KCNIP4: variants seen among roughly 807,000 people sequenced by gnomAD.
KCNIP4 encodes the protein potassium voltage-gated channel interacting protein 4.
Under a neutral mutation model 34.0 loss-of-function variants are expected in KCNIP4, and 12 were observed. The observed-to-expected ratio is 0.35, with a 90% CI of 0.23 to 0.57. The LOEUF is 0.57. Ranked by LOEUF, KCNIP4 falls within the 20% of genes least tolerant of loss-of-function variation. The pLI is 0.83. For synonymous variants in KCNIP4, 124 were observed against 102.2 expected (o/e 1.21, Z -1.29); for missense variants, 238 against 311.7 (o/e 0.76, Z 1.78).
chr4:21,263,683 T>C (rs1761614841), intron 1 of KCNIP4, among the ~76,000 whole-genome samples: 3 of 152,124 alleles, frequency 2.0e-5, no homozygotes, highest in African/African-American at 4.8e-5. Flanking sequence ...AATTTTATTT[T>C]TTGCGACAGG....
chr4:21,891,015 A>G (rs113137785), intron 1 of KCNIP4, among the ~76,000 whole-genome samples: 101 of 152,230 alleles, frequency 6.6e-4, no homozygotes, highest in African/African-American at 2.3e-3. Context: ...CCACCTGGCA[A>G]CCTTCATTTA....
chr4:21,365,804 A>T (rs899382667), intron 1 of KCNIP4, among the ~76,000 whole-genome samples: 5 of 152,324 alleles, frequency 3.3e-5, no homozygotes, highest in South Asian at 2.1e-4. Context: ...GTTTTTGTCC[A>T]TTAAGGAAAT....
In KCNIP4 at chr4:21,015,628, G is replaced by T. The variant is rs1233400244; in HGVS notation, c.62-132919C>A. Among the ~76,000 whole-genome samples the T allele has an allele frequency of 5.0e-5, 6 of 120,040 alleles. 1 individual carries two copies. The South Asian group carries it at 1.3e-3, about 26-fold the overall frequency. The allele number at this position is 120,040 out of a possible 152,430, so 78.8% of individuals were successfully genotyped here. ...TTAATATAATATAATATAGTATATT[G>T]TATTAATATAATATAATATAGTATA... On this transcript the variant is annotated intron_variant, in intron 1 of 8. Coordinates refer to ENST00000382152, the MANE Select transcript of KCNIP4 (RefSeq NM_025221.6).
chr4:21,323,152 ATATATATATATG>A (rs981088487), intron 1 of KCNIP4, among the ~76,000 whole-genome samples: 175 of 80,032 alleles, frequency 2.2e-3, no homozygotes, highest in African/African-American at 8.6e-3. Flanking sequence ...AAGTATATAT[ATATATATATATG>A]TATATATATA....
chr4:21,583,725 T>C, intron 1 of KCNIP4, among the ~76,000 whole-genome samples: 1 of 151,990 alleles, frequency 6.6e-6, no homozygotes, highest in Non-Finnish European at 1.5e-5. Context: ...TCTTCTGAGT[T>C]CCAAGCAGGG....
chr4:21,541,007 C>T (rs1045649987), intron 1 of KCNIP4, among the ~76,000 whole-genome samples: 1 of 151,802 alleles, frequency 6.6e-6, no homozygotes, highest in Non-Finnish European at 1.5e-5. Flanking sequence ...ATCATCTCTA[C>T]TAAAAATACA....
intron 2 of KCNIP4, among the ~76,000 whole-genome samples, chr4:20,880,594 G>A (rs1724574981): frequency 6.6e-6 from 1 of 152,130 alleles, no homozygotes; most frequent in African/African-American, 2.4e-5. Flanking sequence ...GCAGAAGAGT[G>A]CTAACGAGAC....
chr4:20,835,912 T>C (rs1718983008), intron 3 of KCNIP4, among the ~76,000 whole-genome samples: 1 of 152,198 alleles, frequency 6.6e-6, no homozygotes, highest in African/African-American at 2.4e-5. Context: ...TTCTGTCATT[T>C]TTATTTATAA....
chr4:20,983,608 A>G (rs906641165), intron 1 of KCNIP4, among the ~76,000 whole-genome samples: 14 of 152,226 alleles, frequency 9.2e-5, no homozygotes, highest in Middle Eastern at 3.2e-3. Context: ...TCAAATAGAA[A>G]GATAATGGTA....
At chr4:20,928,104 C>T (rs1730077576) in intron 1 of KCNIP4, among the ~76,000 whole-genome samples, 2 of 152,084 alleles carry the variant, frequency 1.3e-5, no homozygotes, top group Non-Finnish European at 2.9e-5. Context: ...CAAATAAATG[C>T]ATTTTTTCAG....
intron 1 of KCNIP4, among the ~76,000 whole-genome samples, chr4:21,139,831 C>T (rs80102272): frequency 0.017 from 2,555 of 152,280 alleles, 75 homozygotes; most frequent in African/African-American, 0.056. Context: ...CCGAGGGACT[C>T]TAACCTATGA....
intron 1 of KCNIP4, among the ~76,000 whole-genome samples, chr4:21,120,634 C>T (rs1750078918): frequency 6.6e-6 from 1 of 152,096 alleles, no homozygotes; most frequent in Non-Finnish European, 1.5e-5. Flanking sequence ...ATTTATAAAA[C>T]CATCAGCTCT....
intron 3 of KCNIP4, among the ~76,000 whole-genome samples, chr4:20,764,087 C>G (rs1277949923): frequency 3.3e-5 from 5 of 152,116 alleles, no homozygotes; most frequent in African/African-American, 1.2e-4. Context: ...TGAGAATTTG[C>G]TGCAAGCTTC....
chr4:21,749,491 A>T (rs1218583774), intron 1 of KCNIP4, among the ~76,000 whole-genome samples: 1 of 152,052 alleles, frequency 6.6e-6, no homozygotes, highest in East Asian at 1.9e-4. Flanking sequence ...CCCTCTCCCC[A>T]CTTGACACCA....
At chr4:21,283,379 C>T (rs974783582) in intron 1 of KCNIP4, among the ~76,000 whole-genome samples, 1 of 151,992 alleles carries the variant, frequency 6.6e-6, no homozygotes, top group African/African-American at 2.4e-5. Flanking sequence ...GGACAATCAA[C>T]CACCTATCCA....
At chr4:21,784,636 GGTGTTATCAT>G (rs1487190186) in intron 1 of KCNIP4, among the ~76,000 whole-genome samples, 1 of 151,876 alleles carries the variant, frequency 6.6e-6, no homozygotes, top group African/African-American at 2.4e-5. Context: ...AAACCCCAAA[GGTGTTATCAT>G]GAAGCCAAAC....
intron 1 of KCNIP4, among the ~76,000 whole-genome samples, chr4:21,686,331 G>T (rs768029541): frequency 5.7e-4 from 87 of 152,034 alleles, no homozygotes; most frequent in Non-Finnish European, 8.2e-4. Flanking sequence ...ATGTTTTTTT[G>T]TGTGTGTAAA....
intron 1 of KCNIP4, among the ~76,000 whole-genome samples, chr4:20,992,152 T>C (rs148591230): frequency 1.6e-4 from 24 of 152,342 alleles, no homozygotes; most frequent in African/African-American, 5.3e-4. Context: ...CTGGGTAATT[T>C]ATGAAGGAAA....
intron 1 of KCNIP4, among the ~76,000 whole-genome samples, chr4:21,165,770 G>A (rs933064322): frequency 2.0e-5 from 3 of 152,160 alleles, no homozygotes; most frequent in East Asian, 1.9e-4. Flanking sequence ...GGGAGGGAGT[G>A]GTATGGATTG....
Sources: gnomAD v4.1 joint callset for allele counts (sites outside exome capture counted in the v4.1 genomes callset) on GRCh38, gnomAD v4.1.1 for gene constraint, MANE v1.5 for transcripts, NCBI Gene and HGNC (gene_info 2026-07-23, HGNC 2026-07-21) for gene names.